Variants in NRXN1 observed in about 807,000 individuals in gnomAD.
NRXN1 encodes the protein neurexin 1, also known as neurexin-1.
NRXN1 carries 39 observed loss-of-function variants against 150.9 expected under a neutral mutation model. The observed-to-expected ratio is 0.26, with a 90% confidence interval of 0.20 to 0.34. The LOEUF (loss-of-function observed/expected upper bound fraction) is 0.34, where lower values mean the gene tolerates loss of function less well. NRXN1 is among the 10% of genes least tolerant of loss of function. The pLI is 1.00. For missense variants in NRXN1, 1,815 were observed against 1,949.9 expected, an observed-to-expected ratio of 0.93 and a Z score of 1.30; for synonymous variants, 924 against 757.0, an observed-to-expected ratio of 1.22 and a Z score of -3.62.
chr2:50,639,807 A>G lies in NRXN1; in HGVS notation c.833-16192T>C, dbSNP rs73933013. ...CTACCTCACCATATTTGCACTAATTATGTTAGCCTCTCAACATCAAATTTT... is the reference window on the plus strand; with the variant it reads ...CTACCTCACCATATTTGCACTAATTGTGTTAGCCTCTCAACATCAAATTTT... On this transcript the variant is annotated intron_variant, in intron 5 of 22. Coordinates refer to ENST00000401669, the MANE Select transcript of NRXN1 (RefSeq NM_001330078.2). Among the ~76,000 whole-genome samples, 3,848 of 152,216 alleles carry G rather than the reference A, an allele frequency of 0.025. 129 individuals carry two copies. The highest frequency in any genetic ancestry group is 0.11 in the East Asian group (585 of 5,160).
At chr2:51,018,225 G>A (rs1361641709) in intron 2 of NRXN1, among the ~76,000 whole-genome samples, 2 of 152,116 alleles carry the variant, frequency 1.3e-5, no homozygotes, top group Non-Finnish European at 2.9e-5. Context: ...CAGGATATTA[G>A]TGAAGCAACT....
At chr2:50,596,296 C>T (rs1488373680) in intron 8 of NRXN1, among the ~76,000 whole-genome samples, 5 of 85,040 alleles carry the variant, frequency 5.9e-5, no homozygotes, top group South Asian at 7.5e-4. Context: ...TTTCTCAGAT[C>T]GTTGTCCTTT....
intron 5 of NRXN1, among the ~76,000 whole-genome samples, chr2:50,864,152 C>G (rs1385858151): frequency 1.3e-5 from 2 of 151,994 alleles, no homozygotes; most frequent in African/African-American, 2.4e-5. Flanking sequence ...GGACAGAGGA[C>G]CTTTTCCTTT....
At chr2:50,824,074 T>A (rs540375089) in intron 5 of NRXN1, among the ~76,000 whole-genome samples, 1 of 152,104 alleles carries the variant, frequency 6.6e-6, no homozygotes, top group Non-Finnish European at 1.5e-5. Context: ...GGATTTGCTA[T>A]GCAGAAGAAT....
Position 50,347,037 on chromosome 2 carries a change from G to A in NRXN1, c.3365-110067C>T. 2 of 1,371,126 alleles carry A rather than the reference G, an allele frequency of 1.5e-6. No individual in the cohort carries two copies. The highest frequency in any genetic ancestry group is 1.9e-6 in the Non-Finnish European group (2 of 1,050,530). The allele number at this position is 1,371,126 out of a possible 1,614,324, so 84.9% of individuals were successfully genotyped here. A position where few individuals can be genotyped will look rare whatever the true frequency, so the allele number is the denominator to read the frequency against. ...GAGGGCGCAGGGGAGCGGGCGGCGC[G>A]GAGTGGGCTGAGGGGCCGGCCGCCT... On this transcript the variant is annotated intron_variant, in intron 17 of 22. Coordinates refer to ENST00000401669, the MANE Select transcript of NRXN1 (RefSeq NM_001330078.2). The surrounding 1 kb of genome is among the most constrained non-coding windows in gnomAD (Gnocchi z 4.9).
intron 2 of NRXN1, among the ~76,000 whole-genome samples, chr2:50,987,246 T>A (rs926159248): frequency 6.6e-6 from 1 of 151,970 alleles, no homozygotes; most frequent in Non-Finnish European, 1.5e-5. Flanking sequence ...GATTTTCTAT[T>A]TAAGTTAGTA....
At chr2:50,034,481 G>A (rs555267646) in intron 21 of NRXN1, among the ~76,000 whole-genome samples, 24 of 152,028 alleles carry the variant, frequency 1.6e-4, no homozygotes, top group African/African-American at 5.1e-4. Context: ...AGCTGACACC[G>A]GGACCTAGTG....
intron 17 of NRXN1, among the ~76,000 whole-genome samples, chr2:50,297,352 G>T (rs561288178): frequency 1.2e-4 from 19 of 152,328 alleles, no homozygotes; most frequent in African/African-American, 4.1e-4. Flanking sequence ...CAAATAAGAA[G>T]TAGTGCTCAT....
chr2:50,809,371 T>C (rs1014964131), intron 5 of NRXN1, among the ~76,000 whole-genome samples: 14 of 152,150 alleles, frequency 9.2e-5, no homozygotes, highest in African/African-American at 3.4e-4. Flanking sequence ...GGAATTAATG[T>C]CATCCTTTAA....
chr2:50,414,719 T>C (rs565127721), intron 17 of NRXN1, among the ~76,000 whole-genome samples: 16 of 152,192 alleles, frequency 1.1e-4, no homozygotes, highest in African/African-American at 2.4e-4. Flanking sequence ...GTATATACTA[T>C]AACCATTTAA....
chr2:50,251,088 C>CATACA (rs2067019211), intron 17 of NRXN1, among the ~76,000 whole-genome samples: 1 of 151,264 alleles, frequency 6.6e-6, no homozygotes, highest in Admixed American at 6.6e-5. Context: ...TATTGTATTA[C>CATACA]ATATGTAATA....
chr2:50,607,985 C>G (rs1436272144), intron 8 of NRXN1, among the ~76,000 whole-genome samples: 2 of 151,968 alleles, frequency 1.3e-5, no homozygotes, highest in Non-Finnish European at 2.9e-5. Flanking sequence ...AAGATCCTGA[C>G]TTCCATCTCC....
At position 49,975,174 on chromosome 2, in the gene NRXN1, G is replaced by A. The variant is rs1189737005; in HGVS notation, c.4129-31383C>T. Among the ~76,000 whole-genome samples, 15 of 151,352 alleles carry A rather than the reference G, an allele frequency of 9.9e-5. 1 individual carries two copies. In the East Asian group the frequency reaches 1.5e-3, roughly 16 times the overall value. ...AGGGTAGGCTATAAGTGATGAGACC[G>A]GTGTGTGTTTCAAATGACAGTATCA... On this transcript the variant is annotated intron_variant, in intron 21 of 22. Transcript: ENST00000401669.
At chr2:49,976,233 A>G (rs1678967175) in intron 21 of NRXN1, among the ~76,000 whole-genome samples, 1 of 150,292 alleles carries the variant, frequency 6.7e-6, no homozygotes, top group Admixed American at 6.7e-5. Flanking sequence ...GGGTTACACC[A>G]TGTTGGCCTG....
chr2:50,405,419 A>G (rs994742775), intron 17 of NRXN1, among the ~76,000 whole-genome samples: 1 of 152,186 alleles, frequency 6.6e-6, no homozygotes, highest in Non-Finnish European at 1.5e-5. Context: ...AAGAGGTGGA[A>G]AGAAAATGAA....
At chr2:50,450,438 GA>G (rs10568240) in intron 17 of NRXN1, among the ~76,000 whole-genome samples, 27,954 of 142,924 alleles carry the variant, frequency 0.2, 4,422 homozygotes, top group East Asian at 0.52. Flanking sequence ...GAGCAAAACA[GA>G]AAAAAAAAAA....
At chr2:49,991,209 A>G (rs893296232) in intron 21 of NRXN1, among the ~76,000 whole-genome samples, 1 of 152,160 alleles carries the variant, frequency 6.6e-6, no homozygotes, top group Non-Finnish European at 1.5e-5. Flanking sequence ...CTGTTTCAAC[A>G]TCATATGGGA....
intron 5 of NRXN1, among the ~76,000 whole-genome samples, chr2:50,769,779 T>C: frequency 6.6e-6 from 1 of 152,104 alleles, no homozygotes; most frequent in East Asian, 1.9e-4. Context: ...AATCTGAGCA[T>C]CTGCTTTGGG....
intron 18 of NRXN1, among the ~76,000 whole-genome samples, chr2:50,224,201 G>A (rs1443417488): frequency 1.3e-5 from 2 of 151,864 alleles, no homozygotes; most frequent in East Asian, 3.9e-4. Flanking sequence ...AAAATAAGCT[G>A]GGCCAGCCTG....
Sources: gnomAD v4.1 joint callset for allele counts (sites outside exome capture counted in the v4.1 genomes callset) on GRCh38, gnomAD v4.1.1 for gene constraint, Gnocchi (gnomAD v3.1) non-coding constraint, MANE v1.5 for transcripts, NCBI Gene and HGNC (gene_info 2026-07-23, HGNC 2026-07-21) for gene names.